Variants in BRINP3 observed in about 807,000 individuals in gnomAD.
The protein encoded by BRINP3 is BMP/retinoic acid inducible neural specific 3, also known as BMP/retinoic acid-inducible neural-specific protein 3.
BRINP3 carries 19 observed loss-of-function variants against 71.0 expected under a neutral mutation model. The observed-to-expected ratio is 0.27, with a 90% CI of 0.19 to 0.39. BRINP3 has a LOEUF of 0.39. Ranked by LOEUF, BRINP3 falls within the 10% of genes least tolerant of loss-of-function variation. The probability of loss-of-function intolerance (pLI) is 1.00; values close to 1 mark genes in which losing one functional copy is unlikely to be tolerated. For synonymous variants in BRINP3, 380 were observed against 337.7 expected (o/e 1.13, Z -1.37); for missense variants, 959 against 940.8 (o/e 1.02, Z -0.25).
At chr1:190,176,441 C>A (rs1485116539) in intron 6 of BRINP3, among the ~76,000 whole-genome samples, 1 of 152,140 alleles carries the variant, frequency 6.6e-6, no homozygotes. Flanking sequence ...GTAAAGGACA[C>A]AAATGGGAGA....
intron 7 of BRINP3, among the ~76,000 whole-genome samples, chr1:190,108,408 A>G (rs1652377344): frequency 6.6e-6 from 1 of 151,914 alleles, no homozygotes; most frequent in Non-Finnish European, 1.5e-5. Flanking sequence ...ATGACAATTC[A>G]TAACTTTAAA....
intron 2 of BRINP3, among the ~76,000 whole-genome samples, chr1:190,287,506 A>G (rs1571637581): frequency 6.6e-6 from 1 of 152,166 alleles, no homozygotes; most frequent in Admixed American, 6.5e-5. Flanking sequence ...ATGATGCTGG[A>G]AATTTAGCAG....
intron 6 of BRINP3, among the ~76,000 whole-genome samples, chr1:190,199,478 C>T (rs972107050): frequency 6.6e-6 from 1 of 152,118 alleles, no homozygotes; most frequent in Non-Finnish European, 1.5e-5. Context: ...CCTCCAACCT[C>T]AACCCTTTGG....
At chr1:190,474,733 G>T (rs1677383901) in intron 1 of BRINP3, 2 of 152,084 alleles carry the variant, frequency 1.3e-5, no homozygotes, top group Admixed American at 6.6e-5. Flanking sequence ...GGCTGATCAC[G>T]TTCTCGACCT....
chr1:190,225,212 G>A (rs970980340), intron 6 of BRINP3, among the ~76,000 whole-genome samples: 8 of 151,814 alleles, frequency 5.3e-5, no homozygotes, highest in East Asian at 1.9e-4. Flanking sequence ...AACCAAATAC[G>A]GATTCAATTT....
intron 2 of BRINP3, among the ~76,000 whole-genome samples, chr1:190,411,130 A>G (rs1270669956): frequency 1.3e-5 from 2 of 152,160 alleles, no homozygotes; most frequent in African/African-American, 2.4e-5. Context: ...CACAGGAAAT[A>G]GAGTCCAGAA....
intron 1 of BRINP3, among the ~76,000 whole-genome samples, chr1:190,459,148 A>AT (rs1027879284): frequency 6.6e-6 from 1 of 151,214 alleles, no homozygotes; most frequent in African/African-American, 2.4e-5. Flanking sequence ...AAAAAAAAAA[A>AT]AATAACTGTG....
intron 2 of BRINP3, among the ~76,000 whole-genome samples, chr1:190,370,104 G>T (rs970990639): frequency 6.6e-6 from 1 of 152,116 alleles, no homozygotes; most frequent in Non-Finnish European, 1.5e-5. Flanking sequence ...GATACTGCAA[G>T]AATGATTCTA....
At chr1:190,216,199 T>C (rs971812179) in intron 6 of BRINP3, among the ~76,000 whole-genome samples, 1 of 151,804 alleles carries the variant, frequency 6.6e-6, no homozygotes, top group Non-Finnish European at 1.5e-5. Flanking sequence ...TAAGTTTGAA[T>C]CCTTGATCCA....
At chr1:190,359,985 A>G (rs1317095392) in intron 2 of BRINP3, among the ~76,000 whole-genome samples, 1 of 152,140 alleles carries the variant, frequency 6.6e-6, no homozygotes, top group Non-Finnish European at 1.5e-5. Flanking sequence ...AACACTAAAA[A>G]GCTTTCATTA....
chr1:190,098,542 A>G lies in BRINP3; in HGVS notation c.1777T>C (p.Phe593Leu). 1.2e-6 allele frequency: 2 copies of G among 1,614,180 alleles called. No homozygotes were observed. The highest frequency in any genetic ancestry group is 8.5e-7 in the Non-Finnish European group (1 of 1,180,030). Residue 593 changes from phenylalanine (F) to leucine (L), a missense_variant, in exon 8 of 8, where the codon TTT (phenylalanine) becomes CTT (leucine). Physicochemically the swap from Phe to Leu is conservative, Grantham distance 22 (BLOSUM62 0). Transcript: ENST00000367462. ...AACTTAGTCCGCTCCCAGTCTGGAA[A>G]GCTGTTTTCATTCACAGGCATAAAC... The part of the protein sequence containing the change: ...SWFMPVNENS[F>L]PDWERTKLDL...
chr1:190,367,906 T>C (rs72731115), intron 2 of BRINP3, among the ~76,000 whole-genome samples: 8,936 of 152,186 alleles, frequency 0.059, 346 homozygotes, highest in East Asian at 0.11. Flanking sequence ...TCCCACATCT[T>C]CCTGTCTTCT....
intron 6 of BRINP3, among the ~76,000 whole-genome samples, chr1:190,166,491 A>G (rs996807273): frequency 3.9e-5 from 6 of 151,992 alleles, no homozygotes; most frequent in African/African-American, 1.4e-4. Flanking sequence ...CCAGGTCCTC[A>G]CTCTCCCAGT....
intron 2 of BRINP3, among the ~76,000 whole-genome samples, chr1:190,371,616 C>A (rs1669872086): frequency 6.6e-6 from 1 of 152,076 alleles, no homozygotes. Flanking sequence ...GTGACGGCTA[C>A]AGGGGTATTC....
At chr1:190,117,455 T>C (rs1478370415) in intron 7 of BRINP3, among the ~76,000 whole-genome samples, 1 of 152,010 alleles carries the variant, frequency 6.6e-6, no homozygotes, top group Non-Finnish European at 1.5e-5. Context: ...AGATTCTACT[T>C]GAGGACCCAG....
chr1:190,299,805 T>A (rs1239185977), intron 2 of BRINP3, among the ~76,000 whole-genome samples: 1 of 151,966 alleles, frequency 6.6e-6, no homozygotes, highest in African/African-American at 2.4e-5. Flanking sequence ...CTCCTTCACT[T>A]ATGAAGCTTA....
intron 7 of BRINP3, 41 bp from the exon 8 acceptor site, chr1:190,099,175 A>G (rs749022277): frequency 1.9e-6 from 3 of 1,578,300 alleles, no homozygotes; most frequent in South Asian, 2.3e-5. Context: ...AAATACAAAG[A>G]TATTCTGTGT....
intron 6 of BRINP3, among the ~76,000 whole-genome samples, chr1:190,196,558 G>A (rs965890088): frequency 3.9e-5 from 6 of 152,058 alleles, no homozygotes; most frequent in Admixed American, 1.3e-4. Context: ...TTAATAATGA[G>A]ACATTAAAAT....
Position 190,248,927 on chromosome 1 carries a change from T to C in BRINP3, c.619-14450A>G, listed in dbSNP as rs138184322. Among the ~76,000 whole-genome samples, 44 of 152,034 alleles carry C rather than the reference T, an allele frequency of 2.9e-4. 1 individual carries two copies. The East Asian group carries it at 8.3e-3, about 29-fold the overall frequency. ...ATATTATTCTCAAAAGCAAATTATT[T>C]GAGACTATAGTTCTCAAATTTTCAA... On this transcript the variant is annotated intron_variant, in intron 4 of 7. Transcript: ENST00000367462.
Sources: allele counts gnomAD v4.1 joint callset (sites outside exome capture counted in the v4.1 genomes callset), GRCh38; gene constraint gnomAD v4.1.1; transcripts MANE v1.5; gene names NCBI Gene and HGNC (gene_info 2026-07-23, HGNC 2026-07-21).